The following SLC36A2 variants were observed in gnomAD, a reference collection of about 807,000 sequenced individuals.
The protein encoded by SLC36A2 is proton-coupled amino acid transporter 2.
A neutral mutation model predicts 42.7 loss-of-function variants in SLC36A2; 39 were observed. The ratio of observed to expected loss-of-function variants is 0.91; its 90% CI spans 0.71 to 1.19. The LOEUF (loss-of-function observed/expected upper bound fraction) is 1.19, where lower values mean the gene tolerates loss of function less well. Ranked by LOEUF, SLC36A2 falls within the 50% of genes most tolerant of loss-of-function variation. SLC36A2 has a pLI of 0.00. For missense variants in SLC36A2, 590 were observed against 613.7 expected, an observed-to-expected ratio of 0.96 and a Z score of 0.41; for synonymous variants, 237 against 240.8, an observed-to-expected ratio of 0.98 and a Z score of 0.15.
Position 151,316,684 on chromosome 5 carries a change from G to T in SLC36A2, c.*133C>A. 8.6e-7 allele frequency: 1 copy of T among 1,156,740 alleles called. No individual in the cohort carries two copies. Among genetic ancestry groups the T allele is most frequent in the Non-Finnish European group, 1.2e-6 (1 of 840,146 alleles). The allele number at this position is 1,156,740 out of a possible 1,614,324, so 71.7% of individuals were successfully genotyped here. A position where few individuals can be genotyped will look rare whatever the true frequency, so the allele number is the denominator to read the frequency against. Reference sequence around the variant, plus strand: ...GAACCCAGGAGGCCGAAGTTGTGGTGAGCTGAGATCGCATCATTGTACTCC... The same window carrying T: ...GAACCCAGGAGGCCGAAGTTGTGGTTAGCTGAGATCGCATCATTGTACTCC... On this transcript the variant is annotated 3_prime_UTR_variant, in exon 10 of 10. Transcript: ENST00000335244.
At chr5:151,323,030 A>G (rs1184956234) in intron 8 of SLC36A2, among the ~76,000 whole-genome samples, 1 of 152,086 alleles carries the variant, frequency 6.6e-6, no homozygotes, top group African/African-American at 2.4e-5. Context: ...GAGGTCACGA[A>G]TTTGAGACCA....
At chr5:151,321,975 G>A (rs1755705860) in intron 9 of SLC36A2, 71 bp downstream of exon 9, 10 of 1,594,780 alleles carry the variant, frequency 6.3e-6, no homozygotes, top group African/African-American at 1.3e-5. Flanking sequence ...AATGCATCCG[G>A]CCCATCTGGC....
intron 1 of SLC36A2, among the ~76,000 whole-genome samples, chr5:151,344,739 G>A (rs1007134706): frequency 6.6e-6 from 1 of 152,132 alleles, no homozygotes; most frequent in African/African-American, 2.4e-5. Context: ...GACAGCGTAA[G>A]TAAAGAAACA....
intron 9 of SLC36A2, chr5:151,321,829 C>G: frequency 1.9e-6 from 1 of 520,912 alleles, no homozygotes; most frequent in African/African-American, 1.9e-5. Flanking sequence ...AGGCACGTGC[C>G]ACCACGCCTG....
chr5:151,335,286 A>T, intron 6 of SLC36A2, 43 bp downstream of exon 6: 2 of 1,503,292 alleles, frequency 1.3e-6, no homozygotes, highest in Non-Finnish European at 1.8e-6. Context: ...TTGATAAAAA[A>T]ACCCTGCCCA....
chr5:151,324,067 G>A (rs1561652303), intron 8 of SLC36A2, among the ~76,000 whole-genome samples: 1 of 152,202 alleles, frequency 6.6e-6, no homozygotes, highest in Non-Finnish European at 1.5e-5. Flanking sequence ...TGTCTATGGG[G>A]CTGCTAACTA....
chr5:151,336,142 T>G (rs1756149701), intron 5 of SLC36A2, among the ~76,000 whole-genome samples: 1 of 152,238 alleles, frequency 6.6e-6, no homozygotes, highest in Admixed American at 6.5e-5. Context: ...TTTGGTGAGT[T>G]CTTTCTTGTC....
chr5:151,345,012 C>T (rs548430522), intron 1 of SLC36A2, among the ~76,000 whole-genome samples: 26 of 152,268 alleles, frequency 1.7e-4, no homozygotes, highest in Non-Finnish European at 3.4e-4. Context: ...AGAGTGCACA[C>T]CTCCCCTCCC....
At chr5:151,320,746 A>C (rs990540787) in intron 9 of SLC36A2, among the ~76,000 whole-genome samples, 1 of 152,202 alleles carries the variant, frequency 6.6e-6, no homozygotes, top group African/African-American at 2.4e-5. Flanking sequence ...AGCCTTGCCC[A>C]ATCATTTTAT....
Position 151,316,466 on chromosome 5 carries a change from C to T in SLC36A2, c.*351G>A, listed in dbSNP as rs981610875. 1.5e-5 allele frequency: 4 copies of T among 274,402 alleles called. No homozygotes were observed. Among genetic ancestry groups the T allele is most frequent in the East Asian group, 9.5e-5 (1 of 10,582 alleles). 17.0% of individuals were successfully genotyped at this position (274,402 alleles called of 1,614,324 possible). On this transcript the variant is annotated 3_prime_UTR_variant, in exon 10 of 10. Transcript: ENST00000335244. ...TGCATATAAAAGAGATCTGGCCAGGCGAGGTGGCTCACGCCTGTGATCCCA... is the reference window on the plus strand; with the variant it reads ...TGCATATAAAAGAGATCTGGCCAGGTGAGGTGGCTCACGCCTGTGATCCCA...
In SLC36A2 at chr5:151,342,900, G is replaced by A. The variant is rs1157559204; in HGVS notation, c.428C>T (p.Ala143Val). Reference sequence around the variant, plus strand: ...AAGAACAGGTTACCTTCCCCAGTGAGCGTGATTCTGGAGCCAGGCGTTGGG... The same window carrying A: ...AAGAACAGGTTACCTTCCCCAGTGAACGTGATTCTGGAGCCAGGCGTTGGG... ...ANPNAWLQNH[A>V]HWGRHIVSFF... Residue 143 changes from alanine (A) to valine (V), a missense_variant, in exon 4 of 10, where the codon GCT becomes GTT. Physicochemically the swap from Ala to Val is moderately conservative, Grantham distance 64 (BLOSUM62 0). Transcript: ENST00000335244. 1 of 1,613,954 alleles carries A rather than the reference G, an allele frequency of 6.2e-7. No homozygotes were observed. The highest frequency in any genetic ancestry group is 8.5e-7 in the Non-Finnish European group (1 of 1,179,948).
chr5:151,342,860 C>T, intron 4 of SLC36A2, 28 bp downstream of exon 4: 2 of 1,591,048 alleles, frequency 1.3e-6, no homozygotes, highest in East Asian at 2.2e-5. Context: ...TGTCCTACCC[C>T]ACTGCAGGCA....
In SLC36A2 at chr5:151,335,552, G is replaced by A. The variant is rs79924249; in HGVS notation, c.526-5C>T. ...GCTATTAACAGCTTCCACTACCTGA[G>A]GAAGGAATGGGAGAGGCAAAAGGGG... On this transcript the variant is annotated splice_region_variant and splice_polypyrimidine_tract_variant and intron_variant, in intron 5 of 9. Coordinates refer to ENST00000335244, the MANE Select transcript of SLC36A2 (RefSeq NM_181776.3). 8.8e-4 allele frequency: 1,417 copies of A among 1,603,532 alleles called. 11 individuals carry two copies. In the African/African-American group the frequency reaches 0.017, roughly 19 times the overall value.
chr5:151,333,267 A>G lies in SLC36A2; in HGVS notation c.800T>C (p.Leu267Pro). 1 of 1,614,094 alleles carries G rather than the reference A, an allele frequency of 6.2e-7. No homozygotes were observed. The highest frequency in any genetic ancestry group is 1.3e-5 in the African/African-American group (1 of 75,040). Residue 267 changes from leucine to proline, a missense_variant, in exon 7 of 10, where the codon CTC becomes CCC. Coordinates refer to ENST00000335244, the MANE Select transcript of SLC36A2 (RefSeq NM_181776.3). The stretch of plus-strand genomic sequence containing the variant: ...AGAAAAAATGGCTGTTCCGAAGAAG[A>G]GAGGGTAGGTCTTCCAGCTTGCTAC... ...PLVASWKTYP[L>P]FFGTAIFSFE...
At chr5:151,335,943 G>T (rs117212675) in intron 5 of SLC36A2, among the ~76,000 whole-genome samples, 1 of 151,206 alleles carries the variant, frequency 6.6e-6, no homozygotes, top group Non-Finnish European at 1.5e-5. Context: ...CACAAGAATC[G>T]CTTGAGCCAA....
In SLC36A2 at chr5:151,322,064, C is replaced by T. The variant is rs74503192; in HGVS notation, c.1162G>A (p.Val388Ile). 16 of 1,614,180 alleles carry T rather than the reference C, an allele frequency of 9.9e-6. No individual in the cohort carries two copies. Among genetic ancestry groups the T allele is most frequent in the South Asian group, 4.4e-5 (4 of 91,092 alleles). Reference protein sequence around the residue: ...ALPLDLSIRLVMVCLTCLLAI... With the variant: ...ALPLDLSIRLIMVCLTCLLAI... ...TACTCACATGTCAGGCAGACCATGA[C>T]GAGGCGAATGGACAGATCCAGAGGC... Residue 388 changes from valine to isoleucine, a missense_variant, in exon 9 of 10, where the codon GTC becomes ATC. Val to Ile is a conservative substitution (Grantham distance 29, BLOSUM62 3). Coordinates refer to ENST00000335244, the MANE Select transcript of SLC36A2 (RefSeq NM_181776.3).
chr5:151,345,546 A>G, intron 1 of SLC36A2, among the ~76,000 whole-genome samples: 1 of 152,156 alleles, frequency 6.6e-6, no homozygotes, highest in East Asian at 1.9e-4. Context: ...AAAGAGAACA[A>G]TCGAGGGAGA....
chr5:151,342,385 G>C (rs1011476753), intron 4 of SLC36A2, among the ~76,000 whole-genome samples: 2 of 151,942 alleles, frequency 1.3e-5, no homozygotes, highest in African/African-American at 4.8e-5. Flanking sequence ...CATTCTTCAG[G>C]ACTCCTTCCT....
chr5:151,332,656 A>G (rs1048831505), intron 7 of SLC36A2: 6 of 250,708 alleles, frequency 2.4e-5, no homozygotes, highest in Non-Finnish European at 8.0e-6. Flanking sequence ...GACATTTTGG[A>G]AAAGAGAAGA....
Sources: gnomAD v4.1 joint callset for allele counts (sites outside exome capture counted in the v4.1 genomes callset) on GRCh38, gnomAD v4.1.1 for gene constraint, MANE v1.5 for transcripts, NCBI Gene and HGNC (gene_info 2026-07-23, HGNC 2026-07-21) for gene names.